The following ZNF521 variants were observed in gnomAD, a reference collection of about 807,000 sequenced individuals.
The protein encoded by ZNF521 is zinc finger protein 521, also known as LYST-interacting protein 3.
Under a neutral mutation model 105.5 loss-of-function variants are expected in ZNF521, and 14 were observed. The observed-to-expected ratio is 0.13, with a 90% CI of 0.09 to 0.21. ZNF521 has a LOEUF of 0.21. Ranked by LOEUF, ZNF521 falls within the 10% of genes least tolerant of loss-of-function variation. The pLI is 1.00. For missense variants in ZNF521, 1,233 were observed against 1,629.7 expected (o/e 0.76, Z 4.19); for synonymous variants, 635 against 606.0 (o/e 1.05, Z -0.70).
chr18:25,349,247 C>G (rs1308458931), intron 2 of ZNF521, among the ~76,000 whole-genome samples: 1 of 152,178 alleles, frequency 6.6e-6, no homozygotes, highest in African/African-American at 2.4e-5. Flanking sequence ...AAGCCGGGGT[C>G]TCGGGCAAGT....
chr18:25,351,400 G>GA (rs1222140008), intron 1 of ZNF521: 5 of 147,060 alleles, frequency 3.4e-5, no homozygotes, highest in Non-Finnish European at 6.0e-5. Context: ...CTAATAAAAA[G>GA]AAAAGCGTCT....
chr18:25,252,973 A>C (rs1162525358), intron 3 of ZNF521, among the ~76,000 whole-genome samples: 1 of 152,108 alleles, frequency 6.6e-6, no homozygotes, highest in Non-Finnish European at 1.5e-5. Flanking sequence ...AACCTTATCC[A>C]TAAGGCAAAC....
intron 5 of ZNF521, among the ~76,000 whole-genome samples, chr18:25,127,318 G>A (rs549320042): frequency 6.6e-6 from 1 of 151,934 alleles, no homozygotes; most frequent in Non-Finnish European, 1.5e-5. Flanking sequence ...AAAGAGGACC[G>A]ACATAGAGAC....
At chr18:25,184,333 G>T (rs900801173) in intron 5 of ZNF521, among the ~76,000 whole-genome samples, 2 of 152,078 alleles carry the variant, frequency 1.3e-5, no homozygotes, top group African/African-American at 4.8e-5. Context: ...TTCTCGAAGA[G>T]ATATAATATA....
chr18:25,258,449 G>A lies in ZNF521; in HGVS notation c.221-30752C>T, dbSNP rs532372166. ...GGAAAAGAATTATTTAAAGAGGTCCGAGGTGTATGTGAAGAGGGATTAAAT... is the reference window on the plus strand; with the variant it reads ...GGAAAAGAATTATTTAAAGAGGTCCAAGGTGTATGTGAAGAGGGATTAAAT... On this transcript the variant is annotated intron_variant, in intron 3 of 7. Coordinates refer to ENST00000361524, the MANE Select transcript of ZNF521 (RefSeq NM_015461.3). Among the ~76,000 whole-genome samples the A allele has an allele frequency of 1.2e-4, 18 of 152,268 alleles. No individual in the cohort carries two copies. The South Asian group carries it at 2.1e-3, about 18-fold the overall frequency.
chr18:25,336,984 G>A (rs1349783505), intron 2 of ZNF521, among the ~76,000 whole-genome samples: 1 of 152,208 alleles, frequency 6.6e-6, no homozygotes, highest in Non-Finnish European at 1.5e-5. Context: ...TTTACAGATG[G>A]AGAAACTGTA....
Position 25,352,052 on chromosome 18 carries a change from T to C in ZNF521, c.-49A>G, listed in dbSNP as rs369362693. The stretch of plus-strand genomic sequence containing the variant: ...GTCGCTCCGGTAGTCCACATAATAA[T>C]GGAAAATGGAAGCAAGGCCCCCAAA... On this transcript the variant is annotated 5_prime_UTR_variant, in exon 1 of 8. Transcript: ENST00000361524. 5 of 497,140 alleles carry C rather than the reference T, an allele frequency of 1.0e-5. No individual in the cohort carries two copies. Among genetic ancestry groups the C allele is most frequent in the African/African-American group, 7.9e-5 (4 of 50,790 alleles). The allele number at this position is 497,140 out of a possible 1,614,324, so 30.8% of individuals were successfully genotyped here. A position where few individuals can be genotyped will look rare whatever the true frequency, so the allele number is the denominator to read the frequency against.
intron 3 of ZNF521, among the ~76,000 whole-genome samples, chr18:25,280,216 A>C (rs938414289): frequency 2.0e-5 from 3 of 152,226 alleles, no homozygotes; most frequent in African/African-American, 7.2e-5. Flanking sequence ...AAATAATAGA[A>C]GAAAATGCCA....
intron 4 of ZNF521, among the ~76,000 whole-genome samples, chr18:25,208,528 C>T (rs1177786497): frequency 6.6e-6 from 1 of 152,080 alleles, no homozygotes; most frequent in Non-Finnish European, 1.5e-5. Context: ...TTTACCTGGT[C>T]GTTTAGTTTT....
chr18:25,180,628 T>C (rs2035616662), intron 5 of ZNF521, among the ~76,000 whole-genome samples: 1 of 152,180 alleles, frequency 6.6e-6, no homozygotes, highest in South Asian at 2.1e-4. Context: ...AATGCTTCTT[T>C]GGGTGAGGAA....
At chr18:25,242,366 C>T (rs1907398243) in intron 3 of ZNF521, among the ~76,000 whole-genome samples, 1 of 152,084 alleles carries the variant, frequency 6.6e-6, no homozygotes, top group Non-Finnish European at 1.5e-5. Flanking sequence ...AAAAATTTTA[C>T]CCTACAAATT....
intron 3 of ZNF521, among the ~76,000 whole-genome samples, chr18:25,262,663 T>C (rs1284816403): frequency 6.6e-6 from 1 of 152,182 alleles, no homozygotes; most frequent in Non-Finnish European, 1.5e-5. Context: ...AGTTTTTTGA[T>C]ATGGCAAATA....
intron 3 of ZNF521, among the ~76,000 whole-genome samples, chr18:25,292,857 C>G (rs1362605062): frequency 6.6e-6 from 1 of 152,232 alleles, no homozygotes; most frequent in East Asian, 1.9e-4. Context: ...AAGGGGAAGT[C>G]CAAGATAAAT....
intron 5 of ZNF521, among the ~76,000 whole-genome samples, chr18:25,110,813 T>G (rs1173310708): frequency 6.6e-6 from 1 of 151,510 alleles, no homozygotes; most frequent in Non-Finnish European, 1.5e-5. Context: ...CAGGCTGGAG[T>G]GCAGGGTACA....
At chr18:25,277,038 C>A (rs1910074156) in intron 3 of ZNF521, among the ~76,000 whole-genome samples, 1 of 152,074 alleles carries the variant, frequency 6.6e-6, no homozygotes, top group South Asian at 2.1e-4. Context: ...CAAAAATTAG[C>A]CGAGTGTGGT....
intron 1 of ZNF521, chr18:25,351,335 C>T (rs1914757753): frequency 6.7e-6 from 1 of 149,492 alleles, no homozygotes; most frequent in African/African-American, 2.4e-5. Context: ...AGAGAAAATC[C>T]GTTACTATTT....
At chr18:25,067,145 C>A (rs556171830) in intron 7 of ZNF521, among the ~76,000 whole-genome samples, 1 of 152,032 alleles carries the variant, frequency 6.6e-6, no homozygotes, top group Non-Finnish European at 1.5e-5. Flanking sequence ...AATTGCAAAC[C>A]ATTAATCCCA....
At chr18:25,080,635 T>C (rs2033473491) in intron 7 of ZNF521, among the ~76,000 whole-genome samples, 1 of 152,212 alleles carries the variant, frequency 6.6e-6, no homozygotes, top group Admixed American at 6.5e-5. Context: ...GATCGCCACA[T>C]TGATGGATCA....
intron 3 of ZNF521, among the ~76,000 whole-genome samples, chr18:25,265,295 G>A (rs1365414896): frequency 6.6e-6 from 1 of 152,186 alleles, no homozygotes; most frequent in Non-Finnish European, 1.5e-5. Flanking sequence ...GGCCAAAGTA[G>A]AAGAGGAAGA....
Sources: allele counts gnomAD v4.1 joint callset (sites outside exome capture counted in the v4.1 genomes callset), GRCh38; gene constraint gnomAD v4.1.1; transcripts MANE v1.5; gene names NCBI Gene and HGNC (gene_info 2026-07-23, HGNC 2026-07-21).